The following SCN4B variants were observed in gnomAD, a reference collection of about 807,000 sequenced individuals.
SCN4B encodes sodium voltage-gated channel beta subunit 4.
Under a neutral mutation model 19.6 loss-of-function variants are expected in SCN4B, and 20 were observed. The ratio of observed to expected loss-of-function variants is 1.02; its 90% CI spans 0.72 to 1.48. The LOEUF is 1.48. Ranked by LOEUF, SCN4B falls within the 40% of genes most tolerant of loss-of-function variation. The probability of loss-of-function intolerance (pLI) is 0.00; values close to 1 mark genes in which losing one functional copy is unlikely to be tolerated. For synonymous variants in SCN4B, 127 were observed against 122.8 expected (o/e 1.03, Z -0.22); for missense variants, 271 against 287.5 (o/e 0.94, Z 0.42).
chr11:118,149,012 C>A (rs1948210063), intron 1 of SCN4B, among the ~76,000 whole-genome samples: 1 of 152,176 alleles, frequency 6.6e-6, no homozygotes, highest in African/African-American at 2.4e-5. Flanking sequence ...ACTAAAAAGC[C>A]ACTCTCAGAG....
At position 118,141,295 on chromosome 11, in the gene SCN4B, C is replaced by A. The variant is rs149457565; in HGVS notation, c.505G>T (p.Val169Phe). ...AGGAGCCCGATGACCCCGCCCACGA[C>A]AGCCAGGATGATGAGTGTCACTGTG... ...DNTVTLIILA[V>F]VGGVIGLLIL... The change falls in exon 4 of 5, where the codon GTC becomes TTC. Residue 169 changes from valine (V) to phenylalanine (F), a missense_variant. Transcript: ENST00000324727. The A allele has an allele frequency of 1.2e-6, 2 of 1,612,576 alleles. No individual in the cohort carries two copies. The highest frequency in any genetic ancestry group is 4.5e-5 in the East Asian group (2 of 44,886).
rs1473000757 is a variant in SCN4B at position 118,136,158 on chromosome 11, G to A, written c.*869C>T. 1.8e-5 allele frequency: 8 copies of A among 453,698 alleles called. No individual in the cohort carries two copies. Among genetic ancestry groups the A allele is most frequent in the South Asian group, 1.2e-4 (8 of 64,464 alleles). 28.1% of individuals were successfully genotyped at this position (453,698 alleles called of 1,614,324 possible). On this transcript the variant is annotated 3_prime_UTR_variant, in exon 5 of 5. Transcript: ENST00000324727. ...AGTGGCGATGGTCCTGCCATGCCAGGGGAGGGGCTGCCAGCATTGGCAGCA... is the reference window on the plus strand; with the variant it reads ...AGTGGCGATGGTCCTGCCATGCCAGAGGAGGGGCTGCCAGCATTGGCAGCA...
rs1948207920 is a variant in SCN4B at position 118,148,807 on chromosome 11, A to G, written c.62-3578T>C. Among the ~76,000 whole-genome samples, 1 of 152,100 alleles carries G rather than the reference A, an allele frequency of 6.6e-6. No individual in the cohort carries two copies. Among genetic ancestry groups the G allele is most frequent in the Non-Finnish European group, 1.5e-5 (1 of 67,996 alleles). ...CTCTACCACTTCTTGGCTTATTTCCATGTGGCCATTTCCCCGGAGTAAAGA... is the reference window on the plus strand; with the variant it reads ...CTCTACCACTTCTTGGCTTATTTCCGTGTGGCCATTTCCCCGGAGTAAAGA... On this transcript the variant is annotated intron_variant, in intron 1 of 4. Transcript: ENST00000324727. This position sits in a 1 kb window ranked among gnomAD's most constrained non-coding sequence, Gnocchi z 4.0.
At chr11:118,143,085 C>T (rs935077842) in intron 3 of SCN4B, among the ~76,000 whole-genome samples, 1 of 152,360 alleles carries the variant, frequency 6.6e-6, no homozygotes, top group Non-Finnish European at 1.5e-5. Flanking sequence ...CTTTTTCTCT[C>T]TGCTTCTGCA....
In SCN4B at chr11:118,152,501, T is replaced by C. The variant is rs573341818; in HGVS notation, c.61+112A>G. The C allele has an allele frequency of 7.2e-5, 66 of 914,678 alleles. No individual in the cohort carries two copies. The African/African-American group carries it at 9.8e-4, about 14-fold the overall frequency. 56.7% of individuals were successfully genotyped at this position (914,678 alleles called of 1,614,324 possible). A position where few individuals can be genotyped will look rare whatever the true frequency, so the allele number is the denominator to read the frequency against. ...AGGAAGCCGGCGGCCACCATCCTCA[T>C]TCCGTGCCGCACTCCAAAGCCCACC... is the stretch of plus-strand genomic sequence containing the variant. On this transcript the variant is annotated intron_variant, in intron 1 of 4. Transcript: ENST00000324727.
intron 4 of SCN4B, among the ~76,000 whole-genome samples, chr11:118,138,608 T>A (rs1440404405): frequency 6.6e-6 from 1 of 152,136 alleles, no homozygotes; most frequent in South Asian, 2.1e-4. Flanking sequence ...GAGAACCTAC[T>A]GGGTACCAGG....
chr11:118,151,674 T>A (rs1948233934), intron 1 of SCN4B, among the ~76,000 whole-genome samples: 1 of 152,200 alleles, frequency 6.6e-6, no homozygotes, highest in Non-Finnish European at 1.5e-5. Context: ...ACACCGTGTG[T>A]CTTACCCAAT....
At chr11:118,152,513 CT>C in intron 1 of SCN4B, 99 bp downstream of exon 1, 1 of 1,057,832 alleles carries the variant, frequency 9.5e-7, no homozygotes, top group Non-Finnish European at 1.4e-6. Flanking sequence ...CCGTGCCGCA[CT>C]CCAAAGCCCA....
intron 1 of SCN4B, chr11:118,145,600 C>T (rs1024466613): frequency 5.4e-6 from 3 of 553,404 alleles, no homozygotes; most frequent in Admixed American, 3.6e-5. Flanking sequence ...CACTCCAGGA[C>T]GCGCAGGGCG....
chr11:118,149,745 G>C (rs550267626), intron 1 of SCN4B, among the ~76,000 whole-genome samples: 1 of 152,260 alleles, frequency 6.6e-6, no homozygotes, highest in East Asian at 1.9e-4. Flanking sequence ...CTTATGCAGA[G>C]ATCCCTACAC....
chr11:118,139,894 T>TTTTTTTTC (rs1555096821), intron 4 of SCN4B, among the ~76,000 whole-genome samples: 2 of 126,178 alleles, frequency 1.6e-5, no homozygotes, highest in South Asian at 6.9e-4. Context: ...ATTCCTTTTT[T>TTTTTTTTC]TTTTTTCTTT....
chr11:118,147,933 A>G (rs1455778101), intron 1 of SCN4B, among the ~76,000 whole-genome samples: 3 of 152,256 alleles, frequency 2.0e-5, no homozygotes, highest in African/African-American at 7.2e-5. Context: ...AGCACAAAAG[A>G]TGCGTGCGAA....
intron 1 of SCN4B, among the ~76,000 whole-genome samples, chr11:118,146,002 G>A (rs1004899037): frequency 3.9e-5 from 6 of 152,164 alleles, no homozygotes; most frequent in African/African-American, 1.4e-4. Context: ...GCGCAGCCAG[G>A]GTGGGAAAGT....
chr11:118,139,245 A>T (rs1366525540), intron 4 of SCN4B, among the ~76,000 whole-genome samples: 1 of 146,496 alleles, frequency 6.8e-6, no homozygotes, highest in African/African-American at 2.5e-5. Flanking sequence ...CACTTCCCAG[A>T]CTCTCTGCCT....
At chr11:118,145,807 T>C in intron 1 of SCN4B, 1 of 198,410 alleles carries the variant, frequency 5.0e-6, no homozygotes. Flanking sequence ...TCCTCCCTGG[T>C]CCCCAGGGGC....
intron 3 of SCN4B, chr11:118,142,886 C>T (rs528326962): frequency 1.3e-5 from 2 of 152,342 alleles, no homozygotes; most frequent in Non-Finnish European, 2.9e-5. Flanking sequence ...AGAGGTGACA[C>T]CATAGGCAGA....
At position 118,145,164 on chromosome 11, in the gene SCN4B, C is replaced by A. The variant is rs886047732; in HGVS notation, c.127G>T (p.Ala43Ser). ...AGCAGGATCTCCGTGCCATTGACAGCGTAGATGTCGGTGGCCTTTCCCACA... is the reference window on the plus strand; with the variant it reads ...AGCAGGATCTCCGTGCCATTGACAGAGTAGATGTCGGTGGCCTTTCCCACA... ...VSVGKATDIY[A>S]VNGTEILLPC... Residue 43 changes from alanine to serine, a missense_variant, in exon 2 of 5, where the codon GCT (alanine) becomes TCT (serine). Physicochemically the swap from Ala to Ser is moderately conservative, Grantham distance 99. Coordinates refer to ENST00000324727, the MANE Select transcript of SCN4B (RefSeq NM_174934.4). The A allele has an allele frequency of 1.3e-6, 2 of 1,598,848 alleles. No individual in the cohort carries two copies. The highest frequency in any genetic ancestry group is 1.7e-6 in the Non-Finnish European group (2 of 1,173,632).
At position 118,141,303 on chromosome 11, in the gene SCN4B, A is replaced by G. The variant is rs1948096215; in HGVS notation, c.497T>C (p.Ile166Thr). ...EEVDNTVTLI[I>T]LAVVGGVIGL... ...GATGACCCCGCCCACGACAGCCAGG[A>G]TGATGAGTGTCACTGTGTTGTCCAC... Residue 166 changes from isoleucine to threonine, a missense_variant, in exon 4 of 5, where the codon ATC becomes ACC. By Grantham distance (89) the Ile-to-Thr change is moderately conservative. Transcript: ENST00000324727. 6.2e-7 allele frequency: 1 copy of G among 1,612,474 alleles called. No individual in the cohort carries two copies. The highest frequency in any genetic ancestry group is 8.5e-7 in the Non-Finnish European group (1 of 1,179,998).
At chr11:118,146,069 G>A (rs1220083462) in intron 1 of SCN4B, among the ~76,000 whole-genome samples, 1 of 152,096 alleles carries the variant, frequency 6.6e-6, no homozygotes, top group Non-Finnish European at 1.5e-5. Flanking sequence ...GCACGCGCGC[G>A]GGGGCGGGAC....
Sources: allele counts gnomAD v4.1 joint callset (sites outside exome capture counted in the v4.1 genomes callset), GRCh38; gene constraint gnomAD v4.1.1; non-coding constraint Gnocchi (gnomAD v3.1); transcripts MANE v1.5; gene names NCBI Gene and HGNC (gene_info 2026-07-23, HGNC 2026-07-21).